Variants in FRMD5 observed in about 807,000 individuals in gnomAD.
FRMD5 encodes the protein FERM domain containing 5.
In FRMD5, 20 loss-of-function variants were observed where a neutral mutation model predicts 69.0. The ratio of observed to expected loss-of-function variants is 0.29; its 90% CI spans 0.20 to 0.42. The LOEUF (loss-of-function observed/expected upper bound fraction) is 0.42, where lower values mean the gene tolerates loss of function less well. Among genes scored for constraint, FRMD5 ranks in the 10% least tolerant of loss-of-function variants. FRMD5 has a pLI of 1.00. For missense variants in FRMD5, 595 were observed against 708.6 expected (o/e 0.84, Z 1.82); for synonymous variants, 271 against 260.1 (o/e 1.04, Z -0.40).
chr15:44,006,904 T>C (rs1252057055), intron 1 of FRMD5, among the ~76,000 whole-genome samples: 1 of 152,210 alleles, frequency 6.6e-6, no homozygotes, highest in Non-Finnish European at 1.5e-5. Flanking sequence ...AGTGGCAGGA[T>C]TGGAGAAGAT....
chr15:43,987,946 T>C (rs185807163), intron 1 of FRMD5, among the ~76,000 whole-genome samples: 8 of 152,262 alleles, frequency 5.3e-5, no homozygotes, highest in Non-Finnish European at 8.8e-5. Flanking sequence ...TGCAATTATA[T>C]AGTCCCATCT....
In FRMD5 at chr15:44,157,432, T is replaced by C. The variant is rs1431900751; in HGVS notation, c.102+37521A>G. Among the ~76,000 whole-genome samples the C allele has an allele frequency of 9.2e-5, 14 of 152,198 alleles. No homozygotes were observed. In the East Asian group the frequency reaches 2.3e-3, roughly 25 times the overall value. ...TCATGTGATTATATGAAAAGCCTAA[T>C]AGATGTCTAAATTATTAGTACCACT... is the stretch of plus-strand genomic sequence containing the variant. On this transcript the variant is annotated intron_variant, in intron 1 of 13. Transcript: ENST00000417257.
chr15:43,879,549 A>C, intron 13 of FRMD5: 1 of 398,948 alleles, frequency 2.5e-6, no homozygotes, highest in South Asian at 1.3e-4. Context: ...AGCAGTCAGG[A>C]CCCTACCCTG....
chr15:44,021,858 G>C (rs902074894), intron 1 of FRMD5, among the ~76,000 whole-genome samples: 1 of 152,092 alleles, frequency 6.6e-6, no homozygotes, highest in African/African-American at 2.4e-5. Context: ...ATTCAGAGAA[G>C]CATTCTTCAC....
chr15:44,043,813 A>G (rs1892312115), intron 1 of FRMD5, among the ~76,000 whole-genome samples: 1 of 152,246 alleles, frequency 6.6e-6, no homozygotes, highest in South Asian at 2.1e-4. Context: ...ACCTAAAACC[A>G]TAAAAACCCT....
intron 1 of FRMD5, among the ~76,000 whole-genome samples, chr15:44,060,333 C>T (rs746205599): frequency 1.3e-5 from 2 of 152,126 alleles, no homozygotes; most frequent in Non-Finnish European, 2.9e-5. Context: ...TACCCAGAAG[C>T]GTGAAAACCA....
intron 7 of FRMD5, among the ~76,000 whole-genome samples, chr15:43,897,853 T>TGTTCTCATGATAGTGAGGGA (rs2088951876): frequency 6.6e-6 from 1 of 152,066 alleles, no homozygotes; most frequent in African/African-American, 2.4e-5. Flanking sequence ...TTCCCCATGC[T>TGTTCTCATGATAGTGAGGGA]GTTCTCATGA....
chr15:44,054,062 C>T (rs956448427), intron 1 of FRMD5, among the ~76,000 whole-genome samples: 1 of 152,172 alleles, frequency 6.6e-6, no homozygotes, highest in African/African-American at 2.4e-5. Context: ...TTATAAAAAA[C>T]ACTCCTATGG....
chr15:43,883,665 G>T, intron 13 of FRMD5, 38 bp downstream of exon 13: 1 of 1,442,984 alleles, frequency 6.9e-7, no homozygotes, highest in Non-Finnish European at 9.5e-7. Flanking sequence ...TCACAACTTG[G>T]AGGACCCCAG....
chr15:43,990,049 A>G, intron 1 of FRMD5: 1 of 750,400 alleles, frequency 1.3e-6, no homozygotes, highest in Admixed American at 1.8e-5. Flanking sequence ...ACCCATGCCC[A>G]CCGTCACGCC....
chr15:43,903,290 C>T (rs984559371), intron 6 of FRMD5, among the ~76,000 whole-genome samples: 1 of 152,142 alleles, frequency 6.6e-6, no homozygotes, highest in African/African-American at 2.4e-5. Flanking sequence ...CAGGACTGCA[C>T]GTTGCTCGTT....
intron 1 of FRMD5, among the ~76,000 whole-genome samples, chr15:44,171,715 G>A (rs1335516973): frequency 6.6e-6 from 1 of 152,094 alleles, no homozygotes; most frequent in Non-Finnish European, 1.5e-5. Flanking sequence ...TGATTGCTAT[G>A]AACAAAATGA....
intron 9 of FRMD5, among the ~76,000 whole-genome samples, chr15:43,888,565 C>T (rs1371433201): frequency 6.6e-6 from 1 of 152,226 alleles, no homozygotes; most frequent in African/African-American, 2.4e-5. Flanking sequence ...AAGAGCCTTC[C>T]TTTGCATTTC....
intron 6 of FRMD5, among the ~76,000 whole-genome samples, chr15:43,904,075 G>A (rs1418435965): frequency 1.3e-5 from 2 of 152,226 alleles, no homozygotes; most frequent in African/African-American, 2.4e-5. Flanking sequence ...GTTCGGTGTC[G>A]CCATTCCGCT....
chr15:43,883,489 C>T (rs540677559), intron 13 of FRMD5, among the ~76,000 whole-genome samples: 37 of 152,324 alleles, frequency 2.4e-4, no homozygotes, highest in African/African-American at 7.7e-4. Context: ...ACCCAGCACC[C>T]TCAAATCCAC....
At chr15:43,979,653 T>C (rs2090518331) in intron 1 of FRMD5, among the ~76,000 whole-genome samples, 1 of 152,228 alleles carries the variant, frequency 6.6e-6, no homozygotes, top group South Asian at 2.1e-4. Context: ...TATTGGATGA[T>C]TTCTTTCTCT....
chr15:43,929,050 T>C (rs1327436367), intron 1 of FRMD5, among the ~76,000 whole-genome samples: 4 of 152,212 alleles, frequency 2.6e-5, no homozygotes, highest in African/African-American at 9.6e-5. Context: ...TACTAGTGCA[T>C]ATAGGTACAA....
At chr15:44,165,292 C>T (rs2077690810) in intron 1 of FRMD5, among the ~76,000 whole-genome samples, 2 of 152,004 alleles carry the variant, frequency 1.3e-5, no homozygotes, top group Non-Finnish European at 2.9e-5. Context: ...GGTGGTGGCA[C>T]ACGCCTGTAA....
chr15:43,905,944 A>C lies in FRMD5; in HGVS notation c.435T>G (p.Ile145Met). 2 of 1,614,168 alleles carry C rather than the reference A, an allele frequency of 1.2e-6. No homozygotes were observed. Among genetic ancestry groups the C allele is most frequent in the South Asian group, 2.2e-5 (2 of 91,078 alleles). Reference sequence around the variant, plus strand: ...GGTGTTTCCCTGAGTCATAATCCCCAATCTCCGCTTTCAAAAGGAAGGTGG... The same window carrying C: ...GGTGTTTCCCTGAGTCATAATCCCCCATCTCCGCTTTCAAAAGGAAGGTGG... ...LLAAYILQAE[I>M]GDYDSGKHPE... is the part of the protein sequence containing the mutation. The change falls in exon 6 of 14, where the codon ATT (isoleucine) becomes ATG (methionine). Residue 145 changes from isoleucine (I) to methionine (M), a missense_variant. Coordinates refer to ENST00000417257, the MANE Select transcript of FRMD5 (RefSeq NM_032892.5).
Sources: allele counts gnomAD v4.1 joint callset (sites outside exome capture counted in the v4.1 genomes callset), GRCh38; gene constraint gnomAD v4.1.1; transcripts MANE v1.5; gene names NCBI Gene and HGNC (gene_info 2026-07-23, HGNC 2026-07-21).